Variants in SAXO2 observed in about 807,000 individuals in gnomAD.
The protein encoded by SAXO2 is family with sequence similarity 154, member B.
SAXO2 carries 17 observed loss-of-function variants against 18.7 expected under a neutral mutation model. That is an observed-to-expected ratio of 0.91 (90% confidence interval 0.62 to 1.36). SAXO2 has a LOEUF of 1.36. Ranked by LOEUF, SAXO2 falls within the 40% of genes most tolerant of loss-of-function variation. SAXO2 has a pLI of 0.00. For synonymous variants in SAXO2, 163 were observed against 181.2 expected, an observed-to-expected ratio of 0.90 and a Z score of 0.81; for missense variants, 486 against 562.6, an observed-to-expected ratio of 0.86 and a Z score of 1.38.
intron 3 of SAXO2, among the ~76,000 whole-genome samples, chr15:82,274,964 T>C (rs1017823183): frequency 6.6e-6 from 1 of 151,620 alleles, no homozygotes; most frequent in African/African-American, 2.4e-5. Context: ...CTCAAAACCA[T>C]GCAAAGGATC....
intron 3 of SAXO2, among the ~76,000 whole-genome samples, chr15:82,272,850 C>T (rs1056364487): frequency 4.0e-5 from 6 of 151,524 alleles, no homozygotes; most frequent in Non-Finnish European, 8.8e-5. Context: ...GCCCAAAAAC[C>T]TGATTTTAAA....
At chr15:82,279,423 T>C (rs927884896) in intron 3 of SAXO2, among the ~76,000 whole-genome samples, 1 of 152,200 alleles carries the variant, frequency 6.6e-6, no homozygotes, top group African/African-American at 2.4e-5. Context: ...AAATTCATAA[T>C]AGAAACTTTG....
chr15:82,262,883 GGAGCCAA>G lies in SAXO2; in HGVS notation c.8_14del (p.Ala3ValfsTer2). 6.3e-7 allele frequency: 1 copy of G among 1,597,686 alleles called. No individual in the cohort carries two copies. The highest frequency in any genetic ancestry group is 8.5e-7 in the Non-Finnish European group (1 of 1,172,314). On this transcript the variant is annotated frameshift_variant, in exon 1 of 4. Transcript: ENST00000682753. LOFTEE classifies it high-confidence loss of function. ...CTGAGGCGCGGTGGAGGAAAGCATG[GGAGCCAA>G]GAGTATGAGGAGCTGGTGTCTGTGT...
At chr15:82,263,469 C>T (rs1267437080) in intron 1 of SAXO2, 1 of 702,008 alleles carries the variant, frequency 1.4e-6, no homozygotes, top group African/African-American at 1.7e-5. Context: ...AATCTAGAAT[C>T]CAACTGTGAG....
Position 82,264,800 on chromosome 15 carries a change from C to G in SAXO2, c.54-769C>G, listed in dbSNP as rs555991438. The G allele has an allele frequency of 4.2e-5, 29 of 695,716 alleles. No homozygotes were observed. In the Admixed American group the frequency reaches 5.6e-4, roughly 13 times the overall value. The allele number at this position is 695,716 out of a possible 1,614,324, so 43.1% of individuals were successfully genotyped here. ...CAAGTTAGGAAACCAGCTTGCAAAT[C>G]AAGATGCCGCCTAACAACTTCTAGC... On this transcript the variant is annotated intron_variant, in intron 1 of 3. Transcript: ENST00000682753.
Position 82,282,893 on chromosome 15 carries a change from G to C in SAXO2, c.1208G>C (p.Ser403Thr). Residue 403 changes from serine (S) to threonine (T), a missense_variant, in exon 4 of 4, where the codon AGT (serine) becomes ACT (threonine). Transcript: ENST00000682753. The part of the protein sequence containing the change: ...SCKPLNIAFK[S>T]SVPFDDVTMY... The stretch of plus-strand genomic sequence containing the variant: ...AAACCTTTAAATATTGCTTTTAAGA[G>C]TTCTGTTCCATTTGATGATGTAACC... 2.5e-6 allele frequency: 4 copies of C among 1,614,056 alleles called. No individual in the cohort carries two copies. Among genetic ancestry groups the C allele is most frequent in the Non-Finnish European group, 3.4e-6 (4 of 1,179,992 alleles).
In SAXO2 at chr15:82,282,157, T is replaced by C; in HGVS notation, c.472T>C (p.Tyr158His). The change falls in exon 4 of 4, where the codon TAT becomes CAT. Residue 158 changes from tyrosine (Y) to histidine (H), a missense_variant. Physicochemically the swap from Tyr to His is moderately conservative, Grantham distance 83. Transcript: ENST00000682753. ...RAWDLHKSEL[Y>H]KPEQTYHPPT... ...TTGGGACCTTCATAAAAGTGAACTT[T>C]ATAAGCCAGAACAAACTTACCACCC... 2 of 1,613,890 alleles carry C rather than the reference T, an allele frequency of 1.2e-6. No individual in the cohort carries two copies. Among genetic ancestry groups the C allele is most frequent in the South Asian group, 1.1e-5 (1 of 91,026 alleles).
intron 1 of SAXO2, 162 bp downstream of exon 1, chr15:82,263,094 G>A: frequency 1.3e-6 from 2 of 1,497,178 alleles, no homozygotes; most frequent in South Asian, 1.3e-5. Flanking sequence ...GCGAATACTC[G>A]CTCCTCACCC....
chr15:82,280,079 G>C (rs1179197184), intron 3 of SAXO2, among the ~76,000 whole-genome samples: 2 of 152,150 alleles, frequency 1.3e-5, no homozygotes, highest in Non-Finnish European at 2.9e-5. Flanking sequence ...AGATGATAAT[G>C]ATTATGATGT....
chr15:82,272,066 G>A (rs915246153), intron 3 of SAXO2: 2 of 387,596 alleles, frequency 5.2e-6, no homozygotes, highest in African/African-American at 2.1e-5. Flanking sequence ...GAAAAACAAA[G>A]GATGCCATTA....
intron 3 of SAXO2, among the ~76,000 whole-genome samples, chr15:82,279,719 T>C (rs910636254): frequency 1.2e-4 from 19 of 152,134 alleles, no homozygotes; most frequent in African/African-American, 4.6e-4. Flanking sequence ...AATTCCTCGG[T>C]ACCACAAGAC....
intron 3 of SAXO2, 129 bp downstream of exon 3, chr15:82,271,931 C>G: frequency 1.3e-6 from 1 of 746,614 alleles, no homozygotes; most frequent in South Asian, 1.9e-5. Flanking sequence ...AAGAACATTT[C>G]TCTCTTTGGC....
chr15:82,276,084 T>C (rs900619339), intron 3 of SAXO2, among the ~76,000 whole-genome samples: 1 of 152,110 alleles, frequency 6.6e-6, no homozygotes, highest in Non-Finnish European at 1.5e-5. Context: ...CAAAAATCAG[T>C]AGCATTTCTA....
chr15:82,263,400 A>C, intron 1 of SAXO2: 1 of 720,146 alleles, frequency 1.4e-6, no homozygotes, highest in East Asian at 2.7e-5. Flanking sequence ...ATTCCCGTCC[A>C]GGCAGCAGTT....
At chr15:82,281,176 A>G (rs1294805255) in intron 3 of SAXO2, among the ~76,000 whole-genome samples, 3 of 152,336 alleles carry the variant, frequency 2.0e-5, no homozygotes, top group Non-Finnish European at 2.9e-5. Flanking sequence ...GGTATTTCCT[A>G]GCTTACTATC....
At chr15:82,263,530 A>G in intron 1 of SAXO2, 1 of 675,368 alleles carries the variant, frequency 1.5e-6, no homozygotes. Flanking sequence ...CTCCTTCCTC[A>G]GCTTCACTAT....
intron 1 of SAXO2, chr15:82,264,558 TCTC>T: frequency 4.5e-6 from 3 of 664,316 alleles, no homozygotes; most frequent in South Asian, 1.7e-5. Flanking sequence ...GATAACGTAA[TCTC>T]CTCTGGTTAG....
chr15:82,271,696 C>A lies in SAXO2; in HGVS notation c.327C>A (p.Thr109=). 6.2e-7 allele frequency: 1 copy of A among 1,614,056 alleles called. No individual in the cohort carries two copies. Among genetic ancestry groups the A allele is most frequent in the Non-Finnish European group, 8.5e-7 (1 of 1,179,964 alleles). Residue 109 remains threonine (T), a synonymous_variant, in exon 3 of 4, where the codon ACC becomes ACA. Coordinates refer to ENST00000682753, the MANE Select transcript of SAXO2 (RefSeq NM_001348699.2). Reference sequence around the variant, plus strand: ...AAGGGAAGATTGATCTTGGTACTACCTACAAACGGGATTTGAATTCGTATA... The same window carrying A: ...AAGGGAAGATTGATCTTGGTACTACATACAAACGGGATTTGAATTCGTATA... The part of the protein sequence containing the change: ...PKQGKIDLGT[T]YKRDLNSYKV...
chr15:82,273,236 TTTTGA>T (rs1567091465), intron 3 of SAXO2, among the ~76,000 whole-genome samples: 5 of 152,314 alleles, frequency 3.3e-5, no homozygotes, highest in Admixed American at 6.5e-5. Flanking sequence ...CCTATTTTGA[TTTTGA>T]TTTATGATAG....
Sources: allele counts gnomAD v4.1 joint callset (sites outside exome capture counted in the v4.1 genomes callset), GRCh38; gene constraint gnomAD v4.1.1; transcripts MANE v1.5; gene names NCBI Gene and HGNC (gene_info 2026-07-23, HGNC 2026-07-21).